Variants in DPYSL2 observed in about 807,000 individuals in gnomAD.
DPYSL2 encodes the protein dihydropyrimidinase like 2.
DPYSL2 carries 13 observed loss-of-function variants against 69.9 expected under a neutral mutation model. The observed-to-expected ratio is 0.19, with a 90% CI of 0.12 to 0.30. DPYSL2 has a LOEUF of 0.30. DPYSL2 is among the 10% of genes least tolerant of loss of function. DPYSL2 has a pLI of 1.00. For synonymous variants in DPYSL2, 326 were observed against 359.1 expected, an observed-to-expected ratio of 0.91 and a Z score of 1.04; for missense variants, 587 against 918.9, an observed-to-expected ratio of 0.64 and a Z score of 4.67.
chr8:26,578,175 CA>C (rs1034162105), intron 1 of DPYSL2: 16 of 1,604,986 alleles, frequency 1.0e-5, no homozygotes, highest in African/African-American at 4.1e-5. Context: ...CAAAACAAAA[CA>C]AAAAAAACCC....
In DPYSL2 at chr8:26,514,430, T is replaced by C; in HGVS notation, c.105T>C (p.Cys35=). The change falls in exon 1 of 14, where the codon TGT becomes TGC. Residue 35 remains cysteine, a synonymous_variant. Transcript: ENST00000521913. This position sits in a 1 kb window ranked among gnomAD's most constrained non-coding sequence, Gnocchi z 8.4. ...GCCCCAAGCCCCGGCAGAAATTCTG[T>C]GGCATGTTCTGCCCGGTGGAAGGGT... ...SGSPKPRQKF[C]GMFCPVEGSS... 6.6e-7 allele frequency: 1 copy of C among 1,518,906 alleles called. No homozygotes were observed. The allele number at this position is 1,518,906 out of a possible 1,614,324, so 94.1% of individuals were successfully genotyped here. A position where few individuals can be genotyped will look rare whatever the true frequency, so the allele number is the denominator to read the frequency against.
At chr8:26,524,123 G>A (rs1294743061) in intron 1 of DPYSL2, among the ~76,000 whole-genome samples, 1 of 152,198 alleles carries the variant, frequency 6.6e-6, no homozygotes, top group African/African-American at 2.4e-5. Context: ...TATACCATTT[G>A]ACATTCCCAA....
intron 1 of DPYSL2, among the ~76,000 whole-genome samples, chr8:26,543,296 C>T (rs1800713655): frequency 1.3e-5 from 2 of 152,166 alleles, no homozygotes; most frequent in Admixed American, 6.5e-5. Context: ...CAGTTGGCTA[C>T]AGTCAAAATG....
At chr8:26,622,121 CCTT>C (rs1802498124) in intron 3 of DPYSL2, among the ~76,000 whole-genome samples, 1 of 49,828 alleles carries the variant, frequency 2.0e-5, no homozygotes, top group Admixed American at 1.9e-4. Flanking sequence ...TTCCTTCCTT[CCTT>C]CCTTCCTTCC....
chr8:26,599,397 T>C (rs1801941402), intron 3 of DPYSL2, among the ~76,000 whole-genome samples: 2 of 152,228 alleles, frequency 1.3e-5, no homozygotes, highest in African/African-American at 4.8e-5. Context: ...GTTTTCCCTC[T>C]TCATGTATTA....
rs146849576 is a variant in DPYSL2, at chr8:26,586,427, C to T, written c.628+2444C>T. 7.5e-3 allele frequency among the ~76,000 whole-genome samples: 1,139 copies of T among 152,314 alleles called. 18 individuals are homozygous for T. The highest frequency in any genetic ancestry group is 0.026 in the African/African-American group (1,093 of 41,552). ...GATACAGAAAGTCCCTGTTTTCTCT[C>T]ACACTTGCTGGAAAGAATCCCTCAG... On this transcript the variant is annotated intron_variant, in intron 3 of 13. Coordinates refer to ENST00000521913, the MANE Select transcript of DPYSL2 (RefSeq NM_001197293.3). This position sits in a 1 kb window ranked among gnomAD's most constrained non-coding sequence, Gnocchi z 4.7.
rs151159688 is a variant in DPYSL2 at position 26,560,160 on chromosome 8, G to A, written c.355-21809G>A. Among the ~76,000 whole-genome samples, 6 of 152,300 alleles carry A rather than the reference G, an allele frequency of 3.9e-5. No homozygotes were observed. Among genetic ancestry groups the A allele is most frequent in the Admixed American group, 1.3e-4 (2 of 15,290 alleles). The stretch of plus-strand genomic sequence containing the variant: ...GTGTAATAATTAATCAGGAGCAGAC[G>A]CGACCATTCCCGACGGCCTTGGCAG... On this transcript the variant is annotated intron_variant, in intron 1 of 13. Transcript: ENST00000521913. The surrounding 1 kb of genome is among the most constrained non-coding windows in gnomAD (Gnocchi z 4.4).
chr8:26,577,500 G>C (rs1801379183), intron 1 of DPYSL2: 1 of 148,940 alleles, frequency 6.7e-6, no homozygotes, highest in Admixed American at 6.7e-5. Context: ...CCCCACGCGG[G>C]GCTGCCGCGG....
chr8:26,570,741 G>GA (rs572040580), intron 1 of DPYSL2, among the ~76,000 whole-genome samples: 43,777 of 107,346 alleles, frequency 0.41, 9,611 homozygotes, highest in Non-Finnish European at 0.53. Flanking sequence ...CTTAGAAAAG[G>GA]AAAAAAAAAA....
chr8:26,651,960 G>A (rs1803287177), intron 11 of DPYSL2, among the ~76,000 whole-genome samples: 1 of 152,198 alleles, frequency 6.6e-6, no homozygotes, highest in African/African-American at 2.4e-5. Flanking sequence ...TCTGTTAATA[G>A]GAAGAATCAT....
chr8:26,608,787 T>C (rs1220897042), intron 3 of DPYSL2, among the ~76,000 whole-genome samples: 1 of 152,218 alleles, frequency 6.6e-6, no homozygotes, highest in East Asian at 1.9e-4. Context: ...GATGTTATGC[T>C]ATGTTTTGAA....
chr8:26,536,158 T>C (rs1184428069), intron 1 of DPYSL2, among the ~76,000 whole-genome samples: 2 of 151,244 alleles, frequency 1.3e-5, no homozygotes, highest in Non-Finnish European at 2.9e-5. Flanking sequence ...CAGGCTAGTC[T>C]TGAACTCCTG....
chr8:26,582,357 T>A lies in DPYSL2; in HGVS notation c.443+300T>A, dbSNP rs1801510003. ...CTCAAATACTTGGTTTGTGATATGTTGAATATATTAAAGTTTTGCCTAGAA... is the reference window on the plus strand; with the variant it reads ...CTCAAATACTTGGTTTGTGATATGTAGAATATATTAAAGTTTTGCCTAGAA... On this transcript the variant is annotated intron_variant, in intron 2 of 13. Coordinates refer to ENST00000521913, the MANE Select transcript of DPYSL2 (RefSeq NM_001197293.3). This position sits in a 1 kb window ranked among gnomAD's most constrained non-coding sequence, Gnocchi z 4.1. 6.6e-6 allele frequency among the ~76,000 whole-genome samples: 1 copy of A among 152,222 alleles called. No individual in the cohort carries two copies. Among genetic ancestry groups the A allele is most frequent in the African/African-American group, 2.4e-5 (1 of 41,452 alleles).
chr8:26,636,202 A>T (rs1309092765), intron 8 of DPYSL2, among the ~76,000 whole-genome samples: 1 of 152,236 alleles, frequency 6.6e-6, no homozygotes, highest in East Asian at 1.9e-4. Flanking sequence ...TAACCTACTC[A>T]GAATGAGCTT....
rs1801084624 is a variant in DPYSL2, at chr8:26,562,257, C to G, written c.355-19712C>G. Among the ~76,000 whole-genome samples the G allele has an allele frequency of 1.3e-5, 2 of 152,186 alleles. No individual in the cohort carries two copies. Among genetic ancestry groups the G allele is most frequent in the Non-Finnish European group, 2.9e-5 (2 of 68,036 alleles). Reference sequence around the variant, plus strand: ...TAATCTCACTTTGTTTCCACTCTACCTCACAGAGTTGTTGTGAGGATTAAA... The same window carrying G: ...TAATCTCACTTTGTTTCCACTCTACGTCACAGAGTTGTTGTGAGGATTAAA... On this transcript the variant is annotated intron_variant, in intron 1 of 13. Transcript: ENST00000521913. This position sits in a 1 kb window ranked among gnomAD's most constrained non-coding sequence, Gnocchi z 4.9.
At chr8:26,535,898 T>TGTG (rs1554532815) in intron 1 of DPYSL2, among the ~76,000 whole-genome samples, 3 of 141,170 alleles carry the variant, frequency 2.1e-5, no homozygotes, top group African/African-American at 5.4e-5. Context: ...TCTCTATGGG[T>TGTG]TGTGTGTGTG....
intron 1 of DPYSL2, among the ~76,000 whole-genome samples, chr8:26,572,176 A>G (rs1801247215): frequency 6.6e-6 from 1 of 152,130 alleles, no homozygotes; most frequent in South Asian, 2.1e-4. Context: ...TGAACATTGC[A>G]CTAACGCAGA....
intron 1 of DPYSL2, among the ~76,000 whole-genome samples, chr8:26,546,275 A>G (rs1215419709): frequency 6.6e-6 from 1 of 152,194 alleles, no homozygotes; most frequent in Non-Finnish European, 1.5e-5. Context: ...TGTGTTTTTA[A>G]TTATAAATCC....
At position 26,615,069 on chromosome 8, in the gene DPYSL2, G is replaced by A. The variant is rs376764555; in HGVS notation, c.629-9074G>A. Among the ~76,000 whole-genome samples the A allele has an allele frequency of 9.2e-5, 14 of 152,354 alleles. 1 individual carries two copies. The East Asian group carries it at 1.7e-3, about 19-fold the overall frequency. The stretch of plus-strand genomic sequence containing the variant: ...AGAGCCTTACCTGCCAGAGGCACGG[G>A]AGGTGTGGCTGTTGCGCAGCTTCTG... On this transcript the variant is annotated intron_variant, in intron 3 of 13. Transcript: ENST00000521913.
Sources: allele counts gnomAD v4.1 joint callset (sites outside exome capture counted in the v4.1 genomes callset), GRCh38; gene constraint gnomAD v4.1.1; non-coding constraint Gnocchi (gnomAD v3.1); transcripts MANE v1.5; gene names NCBI Gene and HGNC (gene_info 2026-07-23, HGNC 2026-07-21).